Variants in OTUD7A observed in about 807,000 individuals in gnomAD.
The protein encoded by OTUD7A is OTU deubiquitinase 7A.
In OTUD7A, 12 loss-of-function variants were observed where a neutral mutation model predicts 65.7. The ratio of observed to expected loss-of-function variants is 0.18; its 90% CI spans 0.12 to 0.30. The LOEUF (loss-of-function observed/expected upper bound fraction) is 0.30, where lower values mean the gene tolerates loss of function less well. Among genes scored for constraint, OTUD7A ranks in the 10% least tolerant of loss-of-function variants. The pLI is 1.00. For missense variants in OTUD7A, 1,148 were observed against 1,304.8 expected, an observed-to-expected ratio of 0.88 and a Z score of 1.85; for synonymous variants, 641 against 586.3, an observed-to-expected ratio of 1.09 and a Z score of -1.35.
Position 31,482,712 on chromosome 15 carries a change from G to A in OTUD7A, c.*582C>T, listed in dbSNP as rs542093438. 2 of 152,378 alleles carry A rather than the reference G, an allele frequency of 1.3e-5. No homozygotes were observed. The highest frequency in any genetic ancestry group is 2.1e-4 in the South Asian group (1 of 4,826). 9.4% of individuals were successfully genotyped at this position (152,378 alleles called of 1,614,324 possible). On this transcript the variant is annotated 3_prime_UTR_variant, in exon 13 of 13. Coordinates refer to ENST00000307050, the MANE Select transcript of OTUD7A (RefSeq NM_001382637.1). The stretch of plus-strand genomic sequence containing the variant: ...GGGAGGAGGTTTTGCTTATGAAATG[G>A]AGCTGTGTGTTTCTAAAGGGCCACA...
At chr15:31,862,804 T>G (rs1305043211) in intron 1 of OTUD7A, among the ~76,000 whole-genome samples, 1 of 152,168 alleles carries the variant, frequency 6.6e-6, no homozygotes, top group African/African-American at 2.4e-5. Context: ...AAACCAATTG[T>G]GCCTTCCCAA....
chr15:31,689,340 C>G (rs72709329), intron 1 of OTUD7A: 27,004 of 150,618 alleles, frequency 0.18, 2,695 homozygotes, highest in East Asian at 0.25. Context: ...CACTAAGACC[C>G]CACGAACACA....
chr15:31,691,154 G>A (rs2141317780), intron 1 of OTUD7A, among the ~76,000 whole-genome samples: 1 of 152,292 alleles, frequency 6.6e-6, no homozygotes, highest in African/African-American at 2.4e-5. Context: ...TTGTTAAAAT[G>A]TCTATATTAA....
chr15:31,558,898 T>C lies in OTUD7A; in HGVS notation c.550+71A>G, dbSNP rs776528626. 9 of 1,501,596 alleles carry C rather than the reference T, an allele frequency of 6.0e-6. No homozygotes were observed. The Admixed American group carries it at 1.1e-4, about 18-fold the overall frequency. The allele number at this position is 1,501,596 out of a possible 1,614,324, so 93.0% of individuals were successfully genotyped here. The stretch of plus-strand genomic sequence containing the variant: ...AGAACATGTGCCCTTCTCTTGCTCA[T>C]AGAGTAGGTTAGGCCAGCTCACCAT... On this transcript the variant is annotated intron_variant, in intron 5 of 12. Transcript: ENST00000307050.
intron 1 of OTUD7A, among the ~76,000 whole-genome samples, chr15:31,858,014 T>C (rs1005212975): frequency 1.3e-5 from 2 of 152,178 alleles, no homozygotes; most frequent in African/African-American, 2.4e-5. Context: ...ACTCAACACC[T>C]TGGGGACAAA....
intron 1 of OTUD7A, among the ~76,000 whole-genome samples, chr15:31,661,642 C>T (rs1892167220): frequency 6.6e-6 from 1 of 152,174 alleles, no homozygotes; most frequent in Non-Finnish European, 1.5e-5. Context: ...CCAGATAACA[C>T]ATTATTTCAT....
At chr15:31,815,333 G>A (rs1374881093) in intron 1 of OTUD7A, among the ~76,000 whole-genome samples, 1 of 152,230 alleles carries the variant, frequency 6.6e-6, no homozygotes, top group Non-Finnish European at 1.5e-5. Flanking sequence ...CACTGCTGCA[G>A]AAACCAGAGC....
intron 1 of OTUD7A, among the ~76,000 whole-genome samples, chr15:31,726,197 C>T (rs1368398348): frequency 3.9e-5 from 6 of 152,014 alleles, no homozygotes; most frequent in Non-Finnish European, 5.9e-5. Flanking sequence ...TATTTAAGCA[C>T]CAGTGTCTTC....
intron 1 of OTUD7A, among the ~76,000 whole-genome samples, chr15:31,722,067 G>A (rs560769683): frequency 6.6e-6 from 1 of 152,346 alleles, no homozygotes. Context: ...GTGCCATGAA[G>A]GCACAGTGGC....
chr15:31,614,477 T>C (rs1246003614), intron 3 of OTUD7A, among the ~76,000 whole-genome samples: 3 of 151,874 alleles, frequency 2.0e-5, no homozygotes, highest in African/African-American at 7.3e-5. Flanking sequence ...AGAAACAGTA[T>C]AAGAAAAAAG....
intron 1 of OTUD7A, among the ~76,000 whole-genome samples, chr15:31,714,749 G>T (rs1340935068): frequency 1.3e-5 from 2 of 152,160 alleles, no homozygotes; most frequent in Non-Finnish European, 2.9e-5. Context: ...CTATTGATCA[G>T]TTCATTTAGT....
rs1359012829 is a variant in OTUD7A, at chr15:31,479,582, T to C, written c.*3712A>G. 1 of 150,802 alleles carries C rather than the reference T, an allele frequency of 6.6e-6. No homozygotes were observed. Among genetic ancestry groups the C allele is most frequent in the Non-Finnish European group, 1.5e-5 (1 of 67,848 alleles). 9.3% of individuals were successfully genotyped at this position (150,802 alleles called of 1,614,324 possible). A position where few individuals can be genotyped will look rare whatever the true frequency, so the allele number is the denominator to read the frequency against. Reference sequence around the variant, plus strand: ...ACCACTGATAAGTACAGCCCTTTTATCTTAACCAATGGGAAGTATATTTTA... The same window carrying C: ...ACCACTGATAAGTACAGCCCTTTTACCTTAACCAATGGGAAGTATATTTTA... On this transcript the variant is annotated 3_prime_UTR_variant, in exon 13 of 13. Transcript: ENST00000307050.
intron 5 of OTUD7A, among the ~76,000 whole-genome samples, chr15:31,537,446 T>G (rs1338473324): frequency 6.6e-6 from 1 of 152,234 alleles, no homozygotes; most frequent in Non-Finnish European, 1.5e-5. Flanking sequence ...TGGTATATTC[T>G]TACCACCTAC....
At chr15:31,504,184 G>A (rs1018004121) in intron 8 of OTUD7A, among the ~76,000 whole-genome samples, 3 of 152,192 alleles carry the variant, frequency 2.0e-5, no homozygotes, top group Non-Finnish European at 2.9e-5. Flanking sequence ...GGGGGCCAGA[G>A]GGATGGAGGG....
chr15:31,679,283 T>C (rs908655330), intron 1 of OTUD7A, among the ~76,000 whole-genome samples: 4 of 152,238 alleles, frequency 2.6e-5, no homozygotes, highest in African/African-American at 7.2e-5. Context: ...ATTTTGGACT[T>C]GGACTTCTGG....
At chr15:31,535,913 C>T (rs1351415830) in intron 5 of OTUD7A, among the ~76,000 whole-genome samples, 1 of 151,988 alleles carries the variant, frequency 6.6e-6, no homozygotes, top group Non-Finnish European at 1.5e-5. Flanking sequence ...ATCTCCTGAC[C>T]TCGTGATCCG....
chr15:31,605,831 G>A (rs932444513), intron 3 of OTUD7A, among the ~76,000 whole-genome samples: 3 of 152,042 alleles, frequency 2.0e-5, no homozygotes, highest in African/African-American at 7.3e-5. Flanking sequence ...CTCTTTCCAC[G>A]CCCTCTCTCC....
At chr15:31,677,830 A>G (rs1274822984) in intron 1 of OTUD7A, among the ~76,000 whole-genome samples, 3 of 152,204 alleles carry the variant, frequency 2.0e-5, no homozygotes, top group African/African-American at 7.2e-5. Flanking sequence ...CTATAAAGAT[A>G]CCCAAGAATG....
chr15:31,671,760 T>C (rs1392315574), intron 1 of OTUD7A, among the ~76,000 whole-genome samples: 11 of 152,228 alleles, frequency 7.2e-5, no homozygotes, highest in African/African-American at 2.7e-4. Context: ...ATAATACTTG[T>C]TTATTTTTTT....
Sources: allele counts gnomAD v4.1 joint callset (sites outside exome capture counted in the v4.1 genomes callset), GRCh38; gene constraint gnomAD v4.1.1; transcripts MANE v1.5; gene names NCBI Gene and HGNC (gene_info 2026-07-23, HGNC 2026-07-21).